SLMAP: variants seen among roughly 807,000 people sequenced by gnomAD.
SLMAP encodes sarcolemma associated protein, also known as sarcolemmal membrane-associated protein.
Under a neutral mutation model 128.8 loss-of-function variants are expected in SLMAP, and 44 were observed. The ratio of observed to expected loss-of-function variants is 0.34; its 90% CI spans 0.27 to 0.44. SLMAP has a LOEUF of 0.44. Ranked by LOEUF, SLMAP falls within the 20% of genes least tolerant of loss-of-function variation. The pLI is 1.00. For missense variants in SLMAP, 787 were observed against 985.3 expected, an observed-to-expected ratio of 0.80 and a Z score of 2.69; for synonymous variants, 327 against 348.8, an observed-to-expected ratio of 0.94 and a Z score of 0.70.
rs1473848106 is a variant in SLMAP at position 57,929,884 on chromosome 3, C to G, written c.*2595C>G. Reference sequence around the variant, plus strand: ...TTAAAAAGATAATGTATGTGAAGTACCATTCGAGTGGTGAATACGTTTTTA... The same window carrying G: ...TTAAAAAGATAATGTATGTGAAGTAGCATTCGAGTGGTGAATACGTTTTTA... On this transcript the variant is annotated 3_prime_UTR_variant, in exon 25 of 25. Transcript: ENST00000671191. 3.3e-5 allele frequency among the ~76,000 whole-genome samples: 5 copies of G among 152,102 alleles called. No individual in the cohort carries two copies. Among genetic ancestry groups the G allele is most frequent in the African/African-American group, 1.2e-4 (5 of 41,416 alleles).
Position 57,892,910 on chromosome 3 carries a change from T to C in SLMAP, c.1360+2810T>C, listed in dbSNP as rs567885540. ...GTGCAGTGGCTCAATCTCGGCTCAC[T>C]GCAAGCTCTGCCTCCAGGGTTTGTG... is the stretch of plus-strand genomic sequence containing the variant. On this transcript the variant is annotated intron_variant, in intron 15 of 24. Coordinates refer to ENST00000671191, the MANE Select transcript of SLMAP (RefSeq NM_001377540.1). Among the ~76,000 whole-genome samples the C allele has an allele frequency of 4.0e-5, 6 of 148,360 alleles. No individual in the cohort carries two copies. The South Asian group carries it at 1.3e-3, about 32-fold the overall frequency.
At position 57,841,859 on chromosome 3, in the gene SLMAP, A is replaced by G. The variant is rs561417014; in HGVS notation, c.419+488A>G. Among the ~76,000 whole-genome samples the G allele has an allele frequency of 3.3e-5, 5 of 152,214 alleles. No homozygotes were observed. In the East Asian group the frequency reaches 9.6e-4, roughly 29 times the overall value. ...CAATGTCCTATTTACTTTTTGTATG[A>G]AGGAGTGTAAAGGTCATTTAGAGGC... is the stretch of plus-strand genomic sequence containing the variant. On this transcript the variant is annotated intron_variant, in intron 4 of 24. Coordinates refer to ENST00000671191, the MANE Select transcript of SLMAP (RefSeq NM_001377540.1).
chr3:57,759,032 G>T (rs75311316), intron 2 of SLMAP, among the ~76,000 whole-genome samples: 1,916 of 152,266 alleles, frequency 0.013, 28 homozygotes, highest in African/African-American at 0.044. Context: ...AGAAAAAAAT[G>T]ATACTTCGGC....
chr3:57,899,120 A>G (rs2096307925), intron 17 of SLMAP: 1 of 152,228 alleles, frequency 6.6e-6, no homozygotes, highest in Non-Finnish European at 1.5e-5. Context: ...TTTAGGAACA[A>G]GGATTTGTTT....
intron 2 of SLMAP, among the ~76,000 whole-genome samples, chr3:57,806,691 C>T (rs551246373): frequency 4.6e-5 from 7 of 152,226 alleles, no homozygotes; most frequent in South Asian, 2.1e-4. Context: ...CCACCTACCT[C>T]GGCCTCCCAA....
intron 14 of SLMAP, among the ~76,000 whole-genome samples, chr3:57,881,843 G>A (rs1470010610): frequency 1.3e-5 from 2 of 152,064 alleles, no homozygotes; most frequent in African/African-American, 4.8e-5. Context: ...GATAATAGCA[G>A]CTAATTAGCC....
intron 3 of SLMAP, among the ~76,000 whole-genome samples, chr3:57,833,446 G>A (rs1196594708): frequency 3.3e-5 from 5 of 149,290 alleles, no homozygotes; most frequent in African/African-American, 7.4e-5. Flanking sequence ...TTTTTGAGAC[G>A]GAGTCTCACT....
At chr3:57,906,305 T>TTTTCTTTTTTTTC (rs1384737658) in intron 17 of SLMAP, among the ~76,000 whole-genome samples, 55 of 96,214 alleles carry the variant, frequency 5.7e-4, no homozygotes, top group African/African-American at 1.8e-3. Flanking sequence ...TTTTTCTTTT[T>TTTTCTTTTTTTTC]TTTTCTTTTT....
chr3:57,856,239 A>T (rs891838299), intron 6 of SLMAP, among the ~76,000 whole-genome samples: 5 of 152,098 alleles, frequency 3.3e-5, no homozygotes, highest in African/African-American at 4.8e-5. Context: ...AAGAAAAAAA[A>T]GTTCTTCTTT....
chr3:57,842,054 A>C (rs957165081), intron 4 of SLMAP, among the ~76,000 whole-genome samples: 2 of 152,314 alleles, frequency 1.3e-5, no homozygotes, highest in South Asian at 4.1e-4. Flanking sequence ...AATATGCTAG[A>C]AGCTTGTTTT....
intron 2 of SLMAP, among the ~76,000 whole-genome samples, chr3:57,830,453 G>A (rs1378733887): frequency 6.6e-6 from 1 of 152,186 alleles, no homozygotes; most frequent in Non-Finnish European, 1.5e-5. Flanking sequence ...AAAATAAGTA[G>A]GGCTGAAGAG....
At chr3:57,820,730 C>T (rs1055295866) in intron 2 of SLMAP, among the ~76,000 whole-genome samples, 8 of 152,202 alleles carry the variant, frequency 5.3e-5, no homozygotes, top group Admixed American at 2.6e-4. Context: ...GAGATACCTC[C>T]AGCGGGGGAC....
intron 2 of SLMAP, among the ~76,000 whole-genome samples, chr3:57,817,351 T>C (rs1307938623): frequency 6.6e-6 from 1 of 152,222 alleles, no homozygotes; most frequent in African/African-American, 2.4e-5. Flanking sequence ...TTACTGTAAG[T>C]GATTTCTGAT....
chr3:57,843,512 C>G (rs866299775), intron 4 of SLMAP, among the ~76,000 whole-genome samples: 1 of 150,800 alleles, frequency 6.6e-6, no homozygotes, highest in South Asian at 2.1e-4. Context: ...TACCATGTTG[C>G]CCAGGCTGCT....
chr3:57,905,472 G>T (rs1186656200), intron 17 of SLMAP, among the ~76,000 whole-genome samples: 1 of 151,964 alleles, frequency 6.6e-6, no homozygotes, highest in Non-Finnish European at 1.5e-5. Flanking sequence ...AGTAGAGACG[G>T]GTTTTACCAT....
intron 2 of SLMAP, among the ~76,000 whole-genome samples, chr3:57,769,479 C>T (rs954420861): frequency 6.6e-6 from 1 of 152,102 alleles, no homozygotes; most frequent in South Asian, 2.1e-4. Flanking sequence ...AGGCATGAGC[C>T]ACCGCGCCCG....
chr3:57,916,977 A>G lies in SLMAP; in HGVS notation c.2210A>G (p.Asn737Ser). ...CAAATGTCTAGGAAAGAACTTGAGAATCAAGTGGGATCCTTGAAAGAACAG... is the reference window on the plus strand; with the variant it reads ...CAAATGTCTAGGAAAGAACTTGAGAGTCAAGTGGGATCCTTGAAAGAACAG... Reference protein sequence around the residue: ...ILQMSRKELENQVGSLKEQHL... With the variant: ...ILQMSRKELESQVGSLKEQHL... The change falls in exon 22 of 25, where the codon AAT becomes AGT. Residue 737 changes from asparagine to serine, a missense_variant. By Grantham distance (46) the Asn-to-Ser change is conservative. Coordinates refer to ENST00000671191, the MANE Select transcript of SLMAP (RefSeq NM_001377540.1). The G allele has an allele frequency of 1.2e-6, 2 of 1,613,724 alleles. No individual in the cohort carries two copies. The highest frequency in any genetic ancestry group is 1.7e-6 in the Non-Finnish European group (2 of 1,179,694).
intron 6 of SLMAP, among the ~76,000 whole-genome samples, chr3:57,856,114 A>G (rs2094775541): frequency 6.6e-6 from 1 of 151,940 alleles, no homozygotes; most frequent in African/African-American, 2.4e-5. Flanking sequence ...TGGAGGGCTG[A>G]GGCAGGAGGA....
In SLMAP at chr3:57,793,631, G is replaced by A. The variant is rs939221128; in HGVS notation, c.198+35782G>A. Among the ~76,000 whole-genome samples the A allele has an allele frequency of 2.0e-5, 3 of 152,238 alleles. 1 individual carries two copies. The highest frequency in any genetic ancestry group is 4.1e-4 in the South Asian group (2 of 4,820). On this transcript the variant is annotated intron_variant, in intron 2 of 24. Transcript: ENST00000671191. ...AGCAATACTTTCATACATTTCCAGA[G>A]TATTCTGGTTAAATTTTAGTTTTGT...
Sources: gnomAD v4.1 joint callset for allele counts (sites outside exome capture counted in the v4.1 genomes callset) on GRCh38, gnomAD v4.1.1 for gene constraint, MANE v1.5 for transcripts, NCBI Gene and HGNC (gene_info 2026-07-23, HGNC 2026-07-21) for gene names.